BRD10: variants seen among roughly 807,000 people sequenced by gnomAD.
BRD10 encodes the protein uncharacterized bromodomain-containing protein 10.
chr9:5,897,476 A>C, the BRD10 span: 1 of 1,307,988 alleles, frequency 7.6e-7, no homozygotes. Context: ...GTCCATATGA[A>C]GAGGAAGACT....
the BRD10 span, among the ~76,000 whole-genome samples, chr9:5,926,840 A>C: frequency 6.6e-6 from 1 of 152,198 alleles, no homozygotes; most frequent in Non-Finnish European, 1.5e-5. Flanking sequence ...TTTCCAAAAC[A>C]TTAAAATTCC....
the BRD10 span, chr9:5,921,385 T>G: frequency 1.2e-6 from 2 of 1,613,968 alleles, no homozygotes; most frequent in Non-Finnish European, 1.7e-6. Flanking sequence ...TAACATATGC[T>G]TTATGCAATG....
At chr9:5,940,738 T>C in the BRD10 span, among the ~76,000 whole-genome samples, 2 of 152,090 alleles carry the variant, frequency 1.3e-5, no homozygotes, top group Non-Finnish European at 2.9e-5. Context: ...CCAAATATCA[T>C]CACAGGATCA....
chr9:6,008,308 G>A, the BRD10 span: 1 of 985,116 alleles, frequency 1.0e-6, no homozygotes, highest in Non-Finnish European at 1.2e-6. Context: ...AGAAGGAGGC[G>A]GTGCACGGAC....
chr9:5,915,028 T>G, the BRD10 span, among the ~76,000 whole-genome samples: 1 of 152,198 alleles, frequency 6.6e-6, no homozygotes, highest in Non-Finnish European at 1.5e-5. Context: ...CAACTAAATT[T>G]ATTAGTATTT....
At chr9:5,966,747 C>T in the BRD10 span, among the ~76,000 whole-genome samples, 5 of 152,020 alleles carry the variant, frequency 3.3e-5, no homozygotes, top group Admixed American at 2.0e-4. Context: ...TGTAAGCCAC[C>T]GTGCCCAGCC....
the BRD10 span, among the ~76,000 whole-genome samples, chr9:5,993,724 G>C: frequency 6.6e-6 from 1 of 152,142 alleles, no homozygotes; most frequent in African/African-American, 2.4e-5. Context: ...CCTCCTGTCA[G>C]TCCCTCCTAT....
the BRD10 span, chr9:6,007,845 C>G: frequency 2.2e-6 from 3 of 1,378,954 alleles, no homozygotes; most frequent in Non-Finnish European, 2.8e-6. Context: ...CTGGGGGACG[C>G]GTGAGCGCGA....
At chr9:5,906,753 T>A in the BRD10 span, 1 of 560,478 alleles carries the variant, frequency 1.8e-6, no homozygotes, top group African/African-American at 2.0e-5. Flanking sequence ...GTGATGAGAC[T>A]GAAGGCACAC....
the BRD10 span, among the ~76,000 whole-genome samples, chr9:5,983,961 TTA>T: frequency 2.9e-5 from 2 of 69,844 alleles, no homozygotes; most frequent in African/African-American, 1.2e-4. Flanking sequence ...TGTATATGCA[TTA>T]CACACACACA....
At chr9:6,006,362 C>T in the BRD10 span, among the ~76,000 whole-genome samples, 1 of 152,240 alleles carries the variant, frequency 6.6e-6, no homozygotes, top group South Asian at 2.1e-4. Flanking sequence ...TACTATTCCA[C>T]TTCAACTACC....
At chr9:6,004,115 T>A in the BRD10 span, among the ~76,000 whole-genome samples, 1 of 152,330 alleles carries the variant, frequency 6.6e-6, no homozygotes, top group South Asian at 2.1e-4. Flanking sequence ...TCAATTCAAA[T>A]ATAAACACCT....
the BRD10 span, among the ~76,000 whole-genome samples, chr9:5,949,846 G>A: frequency 1.3e-5 from 2 of 151,972 alleles, no homozygotes; most frequent in Non-Finnish European, 2.9e-5. Flanking sequence ...GACTTTTTAG[G>A]AAAAAGTAAC....
chr9:5,929,095 T>C, the BRD10 span: 3 of 1,609,060 alleles, frequency 1.9e-6, no homozygotes, highest in African/African-American at 2.7e-5. Flanking sequence ...CAGCAATTCA[T>C]TTAAAAGACG....
the BRD10 span, among the ~76,000 whole-genome samples, chr9:5,897,889 A>G: frequency 1.4e-4 from 22 of 152,350 alleles, no homozygotes; most frequent in African/African-American, 5.3e-4. Flanking sequence ...ATAACATAAT[A>G]CGAGAGACTG....
chr9:5,989,723 T>G, the BRD10 span, among the ~76,000 whole-genome samples: 1 of 152,084 alleles, frequency 6.6e-6, no homozygotes, highest in Non-Finnish European at 1.5e-5. Flanking sequence ...GAGACAGGGT[T>G]TCACCATGTT....
the BRD10 span, chr9:5,924,890 A>G: frequency 7.7e-7 from 1 of 1,294,122 alleles, no homozygotes; most frequent in Non-Finnish European, 1.0e-6. Flanking sequence ...TATGATTTAA[A>G]TTCTTGGAAT....
chr9:5,988,311 AG>A, the BRD10 span: 1 of 1,529,880 alleles, frequency 6.5e-7, no homozygotes, highest in Non-Finnish European at 9.0e-7. Flanking sequence ...AAAATTATGC[AG>A]CTGAAATTAT....
At chr9:5,968,941 A>T in the BRD10 span, 1 of 1,611,808 alleles carries the variant, frequency 6.2e-7, no homozygotes, top group African/African-American at 1.3e-5. Context: ...AAAGACCCTT[A>T]AGTAGCCACA....
Sources: gnomAD v4.1 joint callset for allele counts (sites outside exome capture counted in the v4.1 genomes callset) on GRCh38, gnomAD v4.1.1 for gene constraint, MANE v1.5 for transcripts, NCBI Gene and HGNC (gene_info 2026-07-23, HGNC 2026-07-21) for gene names.